Variants in VSTM2L observed in about 807,000 individuals in gnomAD.
The protein encoded by VSTM2L is V-set and transmembrane domain containing 2 like, also known as V-set and transmembrane domain-containing protein 2-like protein.
Under a neutral mutation model 19.9 loss-of-function variants are expected in VSTM2L, and 9 were observed. The observed-to-expected ratio is 0.45, with a 90% confidence interval of 0.27 to 0.79. The LOEUF (loss-of-function observed/expected upper bound fraction) is 0.79, where lower values mean the gene tolerates loss of function less well. Among genes scored for constraint, VSTM2L ranks in the 30% least tolerant of loss-of-function variants. The probability of loss-of-function intolerance (pLI) is 0.15; values close to 1 mark genes in which losing one functional copy is unlikely to be tolerated. For missense variants in VSTM2L, 286 were observed against 295.5 expected, an observed-to-expected ratio of 0.97 and a Z score of 0.24; for synonymous variants, 127 against 133.8, an observed-to-expected ratio of 0.95 and a Z score of 0.35.
rs915953106 is a variant in VSTM2L, at chr20:37,904,142, C to T, written c.121+671C>T. 2.0e-5 allele frequency among the ~76,000 whole-genome samples: 3 copies of T among 152,170 alleles called. No homozygotes were observed. In the East Asian group the frequency reaches 5.8e-4, roughly 29 times the overall value. On this transcript the variant is annotated intron_variant, in intron 1 of 3. Coordinates refer to ENST00000373461, the MANE Select transcript of VSTM2L (RefSeq NM_080607.3). ...AAGACCTTGTTTCTTGAGAACTGGT[C>T]GCCTGGGGCTGCAGCCTCCCAGTTG...
intron 1 of VSTM2L, among the ~76,000 whole-genome samples, chr20:37,928,800 G>C (rs551792912): frequency 3.3e-5 from 5 of 152,356 alleles, no homozygotes; most frequent in African/African-American, 9.6e-5. Flanking sequence ...GCCAGGTACT[G>C]CTGCAGGAGC....
intron 3 of VSTM2L, among the ~76,000 whole-genome samples, chr20:37,943,085 A>G (rs1253597374): frequency 6.6e-6 from 1 of 151,494 alleles, no homozygotes; most frequent in East Asian, 2.0e-4. Context: ...TTCGTGCCTC[A>G]GTCTCACGAG....
intron 1 of VSTM2L, among the ~76,000 whole-genome samples, chr20:37,919,182 C>G (rs1438037317): frequency 2.0e-5 from 3 of 152,198 alleles, no homozygotes; most frequent in Non-Finnish European, 4.4e-5. Flanking sequence ...TCCTACTGCA[C>G]GCTGAGGCAG....
At chr20:37,910,314 C>T (rs2072772774) in intron 1 of VSTM2L, among the ~76,000 whole-genome samples, 1 of 152,162 alleles carries the variant, frequency 6.6e-6, no homozygotes, top group African/African-American at 2.4e-5. Context: ...TGGGCATGTC[C>T]GTGGGGATCC....
chr20:37,944,799 A>T lies in VSTM2L; in HGVS notation c.*546A>T, dbSNP rs116957143. 1.9e-4 allele frequency: 184 copies of T among 986,198 alleles called. 1 individual carries two copies. In the East Asian group the frequency reaches 0.014, roughly 72 times the overall value. The allele number at this position is 986,198 out of a possible 1,614,324, so 61.1% of individuals were successfully genotyped here. ...GGGCAGTGGCTCTGCAGGGTCACTC[A>T]TGGAGGCCTAGGGGAACAGCGAGAT... On this transcript the variant is annotated 3_prime_UTR_variant, in exon 4 of 4. Transcript: ENST00000373461.
chr20:37,944,246 G>A lies in VSTM2L; in HGVS notation c.608G>A (p.Ser203Asn). 1 of 1,477,102 alleles carries A rather than the reference G, an allele frequency of 6.8e-7. No individual in the cohort carries two copies. The highest frequency in any genetic ancestry group is 9.0e-7 in the Non-Finnish European group (1 of 1,105,186). The allele number at this position is 1,477,102 out of a possible 1,614,324, so 91.5% of individuals were successfully genotyped here. Residue 203 changes from serine (S) to asparagine (N), a missense_variant, in exon 4 of 4, where the codon AGC becomes AAC. Transcript: ENST00000373461. The part of the protein sequence containing the change: ...RKRSVDQEAC[S>N]L Reference sequence around the variant, plus strand: ...CGCTCGGTGGACCAGGAGGCCTGCAGCCTCTAGACTGATGCCCCTGCCCCC... The same window carrying A: ...CGCTCGGTGGACCAGGAGGCCTGCAACCTCTAGACTGATGCCCCTGCCCCC...
chr20:37,932,399 C>G (rs1446755678), intron 2 of VSTM2L, among the ~76,000 whole-genome samples: 1 of 152,088 alleles, frequency 6.6e-6, no homozygotes, highest in Non-Finnish European at 1.5e-5. Context: ...GCCAGCTCCT[C>G]TGGCTCTGCT....
In VSTM2L at chr20:37,903,365, C is replaced by G; in HGVS notation, c.15C>G (p.Leu5=). The stretch of plus-strand genomic sequence containing the variant: ...GAGAGCGCACGATGGGGGCCCCGCT[C>G]GCCGTAGCGCTGGGCGCCCTCCACT... MGAP[L]AVALGALHYL... The change falls in exon 1 of 4, where the codon CTC becomes CTG. Residue 5 remains leucine, a synonymous_variant. Coordinates refer to ENST00000373461, the MANE Select transcript of VSTM2L (RefSeq NM_080607.3). 1 of 1,471,688 alleles carries G rather than the reference C, an allele frequency of 6.8e-7. No individual in the cohort carries two copies. Among genetic ancestry groups the G allele is most frequent in the Non-Finnish European group, 8.9e-7 (1 of 1,117,586 alleles). The allele number at this position is 1,471,688 out of a possible 1,614,324, so 91.2% of individuals were successfully genotyped here.
chr20:37,943,873 T>A, intron 3 of VSTM2L, 108 bp from the exon 4 acceptor site: 1 of 1,242,866 alleles, frequency 8.0e-7, no homozygotes, highest in Non-Finnish European at 1.1e-6. Flanking sequence ...TGTGGGAGTG[T>A]TTCTGGGGCT....
At position 37,916,711 on chromosome 20, in the gene VSTM2L, G is replaced by C. The variant is rs115888219; in HGVS notation, c.121+13240G>C. The stretch of plus-strand genomic sequence containing the variant: ...CCAGGTTGTTTTGGGGATTAGGTAG[G>C]ATATTTTATTGTATTAAAGAAACAC... On this transcript the variant is annotated intron_variant, in intron 1 of 3. Transcript: ENST00000373461. Among the ~76,000 whole-genome samples the C allele has an allele frequency of 1.6e-3, 250 of 152,306 alleles. 1 individual carries two copies. Among genetic ancestry groups the C allele is most frequent in the African/African-American group, 5.8e-3 (243 of 41,562 alleles).
chr20:37,928,437 G>A (rs567927117), intron 1 of VSTM2L, among the ~76,000 whole-genome samples: 5 of 152,342 alleles, frequency 3.3e-5, no homozygotes, highest in African/African-American at 4.8e-5. Context: ...CCCAGCCAAG[G>A]TGTTTATTCA....
chr20:37,934,004 T>A (rs1245806580), intron 3 of VSTM2L, among the ~76,000 whole-genome samples: 1 of 152,368 alleles, frequency 6.6e-6, no homozygotes, highest in Non-Finnish European at 1.5e-5. Flanking sequence ...GGGGGCACCC[T>A]AGCCAAAGGA....
Position 37,942,989 on chromosome 20 carries a change from G to C in VSTM2L, c.343-992G>C, listed in dbSNP as rs139028214. ...TTTATTTATTTATTTTTTTGAGACG[G>C]AGTCTCGCGCTGTCGCCCAGGCTGG... On this transcript the variant is annotated intron_variant, in intron 3 of 3. Transcript: ENST00000373461. Among the ~76,000 whole-genome samples, 1,509 of 152,212 alleles carry C rather than the reference G, an allele frequency of 9.9e-3. 29 individuals carry two copies. Among genetic ancestry groups the C allele is most frequent in the African/African-American group, 0.034 (1,429 of 41,534 alleles).
intron 1 of VSTM2L, among the ~76,000 whole-genome samples, chr20:37,905,659 AGCCAGGCTGCTCTGCAGGG>A (rs1178290682): frequency 7.9e-5 from 12 of 152,090 alleles, no homozygotes; most frequent in Admixed American, 7.9e-4. Context: ...GAAACAAAGA[AGCCAGGCTGCTCTGCAGGG>A]GCCAGGCTGC....
rs555188953 is a variant in VSTM2L at position 37,944,367 on chromosome 20, G to A, written c.*114G>A. On this transcript the variant is annotated 3_prime_UTR_variant, in exon 4 of 4. Transcript: ENST00000373461. ...CCAGCCGCGCCCCATCCCCGAGGCC[G>A]CCTGTGGCCACCATGTCGGCCCTCT... 3.1e-5 allele frequency: 39 copies of A among 1,278,364 alleles called. No individual in the cohort carries two copies. Among genetic ancestry groups the A allele is most frequent in the South Asian group, 3.0e-4 (15 of 49,630 alleles). 79.2% of individuals were successfully genotyped at this position (1,278,364 alleles called of 1,614,324 possible). A position where few individuals can be genotyped will look rare whatever the true frequency, so the allele number is the denominator to read the frequency against.
chr20:37,916,712 A>T (rs192353654), intron 1 of VSTM2L, among the ~76,000 whole-genome samples: 2 of 152,344 alleles, frequency 1.3e-5, no homozygotes, highest in African/African-American at 4.8e-5. Context: ...ATTAGGTAGG[A>T]TATTTTATTG....
intron 1 of VSTM2L, among the ~76,000 whole-genome samples, chr20:37,927,389 G>A (rs1364077690): frequency 6.6e-6 from 1 of 152,022 alleles, no homozygotes; most frequent in Admixed American, 6.5e-5. Context: ...GCTCCCAGGA[G>A]ATGGAATATT....
At chr20:37,915,187 G>T (rs1304570433) in intron 1 of VSTM2L, among the ~76,000 whole-genome samples, 1 of 152,152 alleles carries the variant, frequency 6.6e-6, no homozygotes, top group Non-Finnish European at 1.5e-5. Flanking sequence ...TCGGACAGCG[G>T]CTGAGGGCCC....
At chr20:37,926,629 T>G (rs1298070042) in intron 1 of VSTM2L, among the ~76,000 whole-genome samples, 3 of 152,230 alleles carry the variant, frequency 2.0e-5, no homozygotes, top group Non-Finnish European at 4.4e-5. Context: ...CTGCAATTAC[T>G]TTTGCACTAA....
Sources: gnomAD v4.1 joint callset for allele counts (sites outside exome capture counted in the v4.1 genomes callset) on GRCh38, gnomAD v4.1.1 for gene constraint, MANE v1.5 for transcripts, NCBI Gene and HGNC (gene_info 2026-07-23, HGNC 2026-07-21) for gene names.